The following GRIP1 variants were observed in gnomAD, a reference collection of about 807,000 sequenced individuals.
GRIP1 encodes the protein glutamate receptor-interacting protein 1.
Under a neutral mutation model 129.9 loss-of-function variants are expected in GRIP1, and 45 were observed. The ratio of observed to expected loss-of-function variants is 0.35; its 90% CI spans 0.27 to 0.44. The LOEUF is 0.44. Among genes scored for constraint, GRIP1 ranks in the 20% least tolerant of loss-of-function variants. GRIP1 has a pLI of 1.00. For synonymous variants in GRIP1, 530 were observed against 520.8 expected (o/e 1.02, Z -0.24); for missense variants, 1,196 against 1,396.8 (o/e 0.86, Z 2.29).
chr12:66,911,887 C>A (rs1295249225), intron 1 of GRIP1, among the ~76,000 whole-genome samples: 3 of 152,324 alleles, frequency 2.0e-5, no homozygotes, highest in Middle Eastern at 3.4e-3. Context: ...GCCATCAATT[C>A]CTGGCACCAG....
intron 1 of GRIP1, among the ~76,000 whole-genome samples, chr12:67,001,932 T>G (rs779069808): frequency 6.6e-6 from 1 of 152,008 alleles, no homozygotes; most frequent in Non-Finnish European, 1.5e-5. Context: ...TACCAGTCAT[T>G]TATACATTGT....
intron 1 of GRIP1, among the ~76,000 whole-genome samples, chr12:66,780,011 G>C (rs774561367): frequency 6.6e-6 from 1 of 152,096 alleles, no homozygotes; most frequent in Admixed American, 6.6e-5. Context: ...GGGAAGGAGC[G>C]GGAGATATGG....
intron 1 of GRIP1, among the ~76,000 whole-genome samples, chr12:66,770,838 A>G (rs981193841): frequency 5.9e-5 from 9 of 152,182 alleles, no homozygotes; most frequent in African/African-American, 1.9e-4. Flanking sequence ...GCTCATGCCT[A>G]TAATCCCAGC....
chr12:66,884,642 G>A (rs1297015897), intron 1 of GRIP1, among the ~76,000 whole-genome samples: 1 of 152,168 alleles, frequency 6.6e-6, no homozygotes, highest in Non-Finnish European at 1.5e-5. Context: ...TATAAAAAGA[G>A]AAGTTGCAAG....
intron 1 of GRIP1, among the ~76,000 whole-genome samples, chr12:66,711,725 C>G (rs550658763): frequency 2.3e-4 from 35 of 151,866 alleles, no homozygotes; most frequent in African/African-American, 8.2e-4. Context: ...AAAAATCTAC[C>G]TACCAACAAT....
chr12:66,753,046 T>A (rs190620205), intron 1 of GRIP1, among the ~76,000 whole-genome samples: 1 of 152,276 alleles, frequency 6.6e-6, no homozygotes, highest in East Asian at 1.9e-4. Flanking sequence ...TGTAGTGGTA[T>A]TTCTCTTTGA....
chr12:66,713,550 AC>A (rs11323037), intron 1 of GRIP1, among the ~76,000 whole-genome samples: 151,792 of 151,844 alleles, frequency 1, 75,870 homozygotes, highest in East Asian at 1. Flanking sequence ...TATCTCTTGA[AC>A]CCCCCATTCT....
intron 7 of GRIP1, among the ~76,000 whole-genome samples, chr12:66,501,631 T>C (rs899312989): frequency 2.6e-5 from 4 of 152,186 alleles, no homozygotes; most frequent in Non-Finnish European, 5.9e-5. Context: ...CTAATACATA[T>C]ACATGACCTC....
chr12:66,938,643 A>G (rs1472259253), intron 1 of GRIP1, among the ~76,000 whole-genome samples: 1 of 152,080 alleles, frequency 6.6e-6, no homozygotes, highest in Admixed American at 6.6e-5. Flanking sequence ...GGTTTGCCAG[A>G]GAAGCAGTAT....
chr12:66,418,461 T>TTTGC (rs2137808235), intron 15 of GRIP1, among the ~76,000 whole-genome samples: 1 of 152,136 alleles, frequency 6.6e-6, no homozygotes, highest in African/African-American at 2.4e-5. Flanking sequence ...GTGAAAAATC[T>TTTGC]TTTTCATAGC....
chr12:66,939,634 T>C (rs2041551097), intron 1 of GRIP1, among the ~76,000 whole-genome samples: 2 of 152,094 alleles, frequency 1.3e-5, no homozygotes, highest in Non-Finnish European at 2.9e-5. Context: ...CAGCATAATT[T>C]TCATTCTAGC....
chr12:66,653,691 C>A (rs112083894), intron 1 of GRIP1, among the ~76,000 whole-genome samples: 2 of 152,300 alleles, frequency 1.3e-5, no homozygotes, highest in East Asian at 1.9e-4. Context: ...CCAAGATAAT[C>A]GACTGCCTGA....
intron 5 of GRIP1, among the ~76,000 whole-genome samples, chr12:66,523,621 C>T (rs2061106061): frequency 6.6e-6 from 1 of 151,816 alleles, no homozygotes; most frequent in African/African-American, 2.4e-5. Flanking sequence ...ACTGCATCAA[C>T]TAACGAGCAA....
chr12:66,446,998 T>G (rs2058648454), intron 11 of GRIP1, among the ~76,000 whole-genome samples: 1 of 152,238 alleles, frequency 6.6e-6, no homozygotes, highest in South Asian at 2.1e-4. Context: ...CTATTGATTT[T>G]AGCAACAGAT....
chr12:66,443,767 TC>T (rs2058538052), intron 13 of GRIP1, among the ~76,000 whole-genome samples: 1 of 152,100 alleles, frequency 6.6e-6, no homozygotes, highest in Non-Finnish European at 1.5e-5. Flanking sequence ...ACTGCAATAT[TC>T]TTGACCCCCT....
intron 1 of GRIP1, among the ~76,000 whole-genome samples, chr12:66,736,124 T>C (rs1250889956): frequency 6.6e-6 from 1 of 152,150 alleles, no homozygotes; most frequent in Non-Finnish European, 1.5e-5. Flanking sequence ...CACTAAGAGC[T>C]TACTGTTGAC....
chr12:66,397,808 G>A (rs1436926626), intron 16 of GRIP1, among the ~76,000 whole-genome samples: 1 of 152,176 alleles, frequency 6.6e-6, no homozygotes, highest in Non-Finnish European at 1.5e-5. Flanking sequence ...GCAAATCACT[G>A]TTAACACTGG....
intron 1 of GRIP1, among the ~76,000 whole-genome samples, chr12:66,779,527 T>C (rs1471255097): frequency 6.6e-6 from 1 of 152,218 alleles, no homozygotes; most frequent in Non-Finnish European, 1.5e-5. Context: ...TATCAAAGAA[T>C]ATTAAACATG....
intron 7 of GRIP1, among the ~76,000 whole-genome samples, chr12:66,493,214 G>C (rs1275844544): frequency 6.6e-6 from 1 of 152,124 alleles, no homozygotes; most frequent in Non-Finnish European, 1.5e-5. Context: ...GTAAGAGTTG[G>C]GAACTATTGC....
Sources: allele counts gnomAD v4.1 joint callset (sites outside exome capture counted in the v4.1 genomes callset), GRCh38; gene constraint gnomAD v4.1.1; transcripts MANE v1.5; gene names NCBI Gene and HGNC (gene_info 2026-07-23, HGNC 2026-07-21).